BLTP3B: variants seen among roughly 807,000 people sequenced by gnomAD.
BLTP3B encodes bridge-like lipid transfer protein family member 3B.
the BLTP3B span, among the ~76,000 whole-genome samples, chr12:100,049,875 C>G: frequency 1.3e-5 from 2 of 151,962 alleles, no homozygotes; most frequent in African/African-American, 4.8e-5. Context: ...GGAGTAAAGC[C>G]AGGAATAATT....
the BLTP3B span, among the ~76,000 whole-genome samples, chr12:100,130,634 G>A: frequency 0.068 from 10,320 of 152,078 alleles, 381 homozygotes; most frequent in South Asian, 0.089. Context: ...AACAAGTTGG[G>A]GCTGGGCGCG....
At chr12:100,103,062 T>C in the BLTP3B span, among the ~76,000 whole-genome samples, 2 of 152,150 alleles carry the variant, frequency 1.3e-5, no homozygotes, top group Non-Finnish European at 2.9e-5. Context: ...AAGGCATTTA[T>C]TATCTGGTGG....
chr12:100,105,874 G>A, the BLTP3B span, among the ~76,000 whole-genome samples: 8 of 151,700 alleles, frequency 5.3e-5, no homozygotes, highest in Non-Finnish European at 5.9e-5. Flanking sequence ...AAAAAAACAC[G>A]CCCATTAAAA....
At chr12:100,038,351 T>C in the BLTP3B span, among the ~76,000 whole-genome samples, 1 of 152,178 alleles carries the variant, frequency 6.6e-6, no homozygotes, top group Non-Finnish European at 1.5e-5. Context: ...TTCTTTTTTT[T>C]TGAGATGGAA....
chr12:100,078,348 A>C, the BLTP3B span, among the ~76,000 whole-genome samples: 1 of 152,174 alleles, frequency 6.6e-6, no homozygotes, highest in Non-Finnish European at 1.5e-5. Context: ...AGCTGAGCAG[A>C]TGCCCACATC....
At chr12:100,060,422 T>C in the BLTP3B span, among the ~76,000 whole-genome samples, 1 of 152,226 alleles carries the variant, frequency 6.6e-6, no homozygotes, top group Non-Finnish European at 1.5e-5. Flanking sequence ...ACCTTCTTGA[T>C]GAAGTATCAC....
the BLTP3B span, among the ~76,000 whole-genome samples, chr12:100,138,477 C>G: frequency 6.6e-6 from 1 of 152,182 alleles, no homozygotes; most frequent in African/African-American, 2.4e-5. Flanking sequence ...ATATGCTGTG[C>G]AATGTAGAAC....
the BLTP3B span, among the ~76,000 whole-genome samples, chr12:100,097,200 C>T: frequency 1.6e-4 from 24 of 152,278 alleles, no homozygotes; most frequent in South Asian, 4.8e-3. Flanking sequence ...GTAACTATAC[C>T]TCCCTTTATT....
At chr12:100,134,933 C>CT in the BLTP3B span, among the ~76,000 whole-genome samples, 5 of 152,326 alleles carry the variant, frequency 3.3e-5, no homozygotes, top group African/African-American at 9.6e-5. Flanking sequence ...TCCAATTTCT[C>CT]TCTCACCTAA....
chr12:100,117,658 G>A, the BLTP3B span, among the ~76,000 whole-genome samples: 5 of 151,496 alleles, frequency 3.3e-5, no homozygotes, highest in African/African-American at 1.2e-4. Flanking sequence ...GCACCACCAC[G>A]TCCAGCTCAT....
chr12:100,124,972 A>ATT, the BLTP3B span, among the ~76,000 whole-genome samples: 5 of 86,908 alleles, frequency 5.8e-5, no homozygotes, highest in Non-Finnish European at 8.5e-5. Context: ...ATATATATAT[A>ATT]TATATATTTA....
At chr12:100,057,948 C>A in the BLTP3B span, 2 of 1,460,080 alleles carry the variant, frequency 1.4e-6, no homozygotes, top group Non-Finnish European at 9.2e-7. Flanking sequence ...AGCTTTTCTG[C>A]CTCAAAACAA....
the BLTP3B span, among the ~76,000 whole-genome samples, chr12:100,133,818 C>G: frequency 2.0e-5 from 3 of 152,152 alleles, no homozygotes; most frequent in Non-Finnish European, 4.4e-5. Context: ...CTCCCTTACC[C>G]AAGATTTCCC....
chr12:100,092,231 T>C, the BLTP3B span, among the ~76,000 whole-genome samples: 1 of 152,332 alleles, frequency 6.6e-6, no homozygotes, highest in South Asian at 2.1e-4. Context: ...AAAGAAACAC[T>C]GTTAACTAAT....
At chr12:100,140,729 AATATATATATATATATATATATAT>A in the BLTP3B span, among the ~76,000 whole-genome samples, 1 of 61,492 alleles carries the variant, frequency 1.6e-5, no homozygotes, top group Non-Finnish European at 2.6e-5. Flanking sequence ...AAAAAAAAAA[AATATATATATATATATATATATAT>A]AAAATAAAAT....
the BLTP3B span, among the ~76,000 whole-genome samples, chr12:100,075,353 T>C: frequency 2.0e-5 from 3 of 151,980 alleles, no homozygotes; most frequent in African/African-American, 7.3e-5. Flanking sequence ...ATGGAACAAA[T>C]ATTTAAATAT....
chr12:100,055,455 T>C, the BLTP3B span, among the ~76,000 whole-genome samples: 1 of 151,970 alleles, frequency 6.6e-6, no homozygotes, highest in East Asian at 1.9e-4. Flanking sequence ...GATGGGAGGA[T>C]CACCTGAGGC....
chr12:100,052,127 C>T, the BLTP3B span, among the ~76,000 whole-genome samples: 11,436 of 150,322 alleles, frequency 0.076, 524 homozygotes, highest in African/African-American at 0.12. Context: ...TGTAGTGGTG[C>T]GATCTTAGCT....
chr12:100,068,831 C>A, the BLTP3B span, among the ~76,000 whole-genome samples: 6,138 of 152,134 alleles, frequency 0.04, 254 homozygotes, highest in African/African-American at 0.11. Flanking sequence ...AGGCCATAAT[C>A]AAAAAATAGT....
Sources: gnomAD v4.1 joint callset for allele counts (sites outside exome capture counted in the v4.1 genomes callset) on GRCh38, gnomAD v4.1.1 for gene constraint, MANE v1.5 for transcripts, NCBI Gene and HGNC (gene_info 2026-07-23, HGNC 2026-07-21) for gene names.